Variants in PCDH9 observed in about 807,000 individuals in gnomAD.
PCDH9 encodes protocadherin-9.
A neutral mutation model predicts 70.6 loss-of-function variants in PCDH9; 24 were observed. That is an observed-to-expected ratio of 0.34 (90% CI 0.25 to 0.48). The LOEUF is 0.48. Ranked by LOEUF, PCDH9 falls within the 20% of genes least tolerant of loss-of-function variation. The pLI is 0.99. For missense variants in PCDH9, 1,281 were observed against 1,503.6 expected (o/e 0.85, Z 2.45); for synonymous variants, 562 against 558.5 (o/e 1.01, Z -0.09).
At chr13:67,209,108 C>A (rs991017971) in intron 2 of PCDH9, 1 of 152,108 alleles carries the variant, frequency 6.6e-6, no homozygotes, top group Admixed American at 6.6e-5. Flanking sequence ...AAAGCCAACA[C>A]AATGTATTAC....
chr13:66,448,332 T>C (rs1958138392), intron 4 of PCDH9, among the ~76,000 whole-genome samples: 1 of 152,204 alleles, frequency 6.6e-6, no homozygotes, highest in African/African-American at 2.4e-5. Context: ...ACGTGTGAAG[T>C]GCACGTGGAT....
intron 4 of PCDH9, among the ~76,000 whole-genome samples, chr13:66,587,553 C>A (rs542003237): frequency 2.6e-5 from 4 of 152,154 alleles, no homozygotes; most frequent in African/African-American, 7.2e-5. Flanking sequence ...ATGCTTCCAG[C>A]TAGGAGAACA....
At chr13:66,951,126 C>T (rs2083173266) in intron 2 of PCDH9, among the ~76,000 whole-genome samples, 1 of 152,166 alleles carries the variant, frequency 6.6e-6, no homozygotes, top group South Asian at 2.1e-4. Context: ...GTGCCGCGTA[C>T]AAATAGATCA....
At chr13:66,678,666 T>C (rs952003975) in intron 3 of PCDH9, among the ~76,000 whole-genome samples, 9 of 152,028 alleles carry the variant, frequency 5.9e-5, no homozygotes, top group Admixed American at 4.6e-4. Context: ...AACCTATTTA[T>C]GTGCAAAGCC....
intron 2 of PCDH9, among the ~76,000 whole-genome samples, chr13:66,934,800 A>C (rs867613242): frequency 0.015 from 1,803 of 120,234 alleles, 42 homozygotes; most frequent in African/African-American, 0.052. Flanking sequence ...GGCTCACTGC[A>C]AGCTCCGCCT....
chr13:66,476,121 C>T (rs532643883), intron 4 of PCDH9, among the ~76,000 whole-genome samples: 2 of 151,976 alleles, frequency 1.3e-5, no homozygotes, highest in Admixed American at 6.6e-5. Flanking sequence ...AAGACAAATG[C>T]CCTAGAATCA....
intron 4 of PCDH9, among the ~76,000 whole-genome samples, chr13:66,625,110 ACT>A (rs1468486232): frequency 8.7e-5 from 13 of 150,036 alleles, no homozygotes. Context: ...TCTTTTATAA[ACT>A]CTTCATAATC....
intron 3 of PCDH9, among the ~76,000 whole-genome samples, chr13:66,721,527 G>A (rs369755285): frequency 1.4e-4 from 22 of 152,128 alleles, no homozygotes; most frequent in African/African-American, 5.1e-4. Context: ...ATGTCTGAGC[G>A]TGGATATTTT....
chr13:67,213,942 G>A (rs1161761445), intron 2 of PCDH9: 1 of 152,130 alleles, frequency 6.6e-6, no homozygotes, highest in African/African-American at 2.4e-5. Context: ...AGTTGATAAA[G>A]TTAATTGAAC....
chr13:66,895,410 C>A (rs1046563812), intron 3 of PCDH9, among the ~76,000 whole-genome samples: 2 of 152,172 alleles, frequency 1.3e-5, no homozygotes, highest in Admixed American at 6.5e-5. Flanking sequence ...CATGTCTACA[C>A]CCTTCTCACA....
chr13:66,422,905 G>C (rs9540752), intron 4 of PCDH9, among the ~76,000 whole-genome samples: 124,871 of 152,090 alleles, frequency 0.82, 52,810 homozygotes, highest in South Asian at 0.95. Context: ...AATAGATAGA[G>C]TGCTAGCCAG....
chr13:66,761,219 C>T (rs997702454), intron 3 of PCDH9, among the ~76,000 whole-genome samples: 1 of 152,118 alleles, frequency 6.6e-6, no homozygotes, highest in Admixed American at 6.6e-5. Flanking sequence ...AACCTGCTGA[C>T]ATGTGATGTC....
intron 3 of PCDH9, among the ~76,000 whole-genome samples, chr13:66,717,516 TG>T (rs1438445056): frequency 1.2e-4 from 16 of 129,116 alleles, no homozygotes; most frequent in Non-Finnish European, 1.9e-4. Flanking sequence ...TATGTATATA[TG>T]TATAGGCTAC....
chr13:67,225,538 G>C lies in PCDH9; in HGVS notation c.2903C>G (p.Pro968Arg), dbSNP rs2089835847. Residue 968 changes from proline (P) to arginine (R), a missense_variant, in exon 2 of 5, where the codon CCT becomes CGT. By Grantham distance (103) the Pro-to-Arg change is moderately radical (BLOSUM62 -2). Around this residue, in one of 4 missense-constraint regions of PCDH9, gnomAD observed 207 missense variants for 191.8 expected, o/e 1.08. Transcript: ENST00000377865. Reference sequence around the variant, plus strand: ...ACCCCCAACAAAGGTGTTGTCCAAAGGGAGTTCCTGAATCACGTGGTGCTT... The same window carrying C: ...ACCCCCAACAAAGGTGTTGTCCAAACGGAGTTCCTGAATCACGTGGTGCTT... ...VKKHHVIQEL[P>R]LDNTFVGGCD... 1 of 1,614,046 alleles carries C rather than the reference G, an allele frequency of 6.2e-7. No individual in the cohort carries two copies. Among genetic ancestry groups the C allele is most frequent in the Admixed American group, 1.7e-5 (1 of 60,000 alleles).
intron 2 of PCDH9, among the ~76,000 whole-genome samples, chr13:66,951,528 T>C (rs899816686): frequency 7.0e-6 from 1 of 142,884 alleles, no homozygotes; most frequent in African/African-American, 2.8e-5. Context: ...AAAGAACCTA[T>C]TCTCATAGGC....
intron 4 of PCDH9, among the ~76,000 whole-genome samples, chr13:66,430,083 T>C (rs1057449628): frequency 4.6e-5 from 7 of 152,106 alleles, no homozygotes; most frequent in Non-Finnish European, 1.0e-4. Context: ...GTTTCTTCTC[T>C]GTTTTTAGAA....
chr13:66,507,957 G>A (rs148386003), intron 4 of PCDH9, among the ~76,000 whole-genome samples: 4,926 of 152,094 alleles, frequency 0.032, 131 homozygotes, highest in South Asian at 0.11. Context: ...TCTTGACCTC[G>A]TGATCTGCCT....
At chr13:66,961,879 C>T (rs1172005214) in intron 2 of PCDH9, among the ~76,000 whole-genome samples, 1 of 151,700 alleles carries the variant, frequency 6.6e-6, no homozygotes, top group Non-Finnish European at 1.5e-5. Context: ...GGTGAAACCC[C>T]GTCTCTACTA....
chr13:67,084,978 AAAAAAAAAAAAAAAAAAAAAT>A (rs2138193827), intron 2 of PCDH9, among the ~76,000 whole-genome samples: 1 of 66,548 alleles, frequency 1.5e-5, no homozygotes, highest in East Asian at 4.4e-4. Context: ...AAAAAAAAAA[AAAAAAAAAAAAAAAAAAAAAT>A]ATATATATAT....
Sources: allele counts gnomAD v4.1 joint callset (sites outside exome capture counted in the v4.1 genomes callset), GRCh38; gene constraint gnomAD v4.1.1; regional missense constraint gnomAD v4.1.1; transcripts MANE v1.5; gene names NCBI Gene and HGNC (gene_info 2026-07-23, HGNC 2026-07-21).